LAMC3: variants seen among roughly 807,000 people sequenced by gnomAD.
LAMC3 encodes laminin subunit gamma-3.
In LAMC3, 128 loss-of-function variants were observed where a neutral mutation model predicts 173.8. The observed-to-expected ratio is 0.74, with a 90% CI of 0.64 to 0.85. The LOEUF is 0.85. LAMC3 is among the 40% of genes least tolerant of loss of function. LAMC3 has a pLI of 0.00. For synonymous variants in LAMC3, 897 were observed against 909.1 expected, an observed-to-expected ratio of 0.99 and a Z score of 0.24; for missense variants, 2,022 against 2,156.0, an observed-to-expected ratio of 0.94 and a Z score of 1.23.
At chr9:131,015,687 G>A (rs191596486) in intron 1 of LAMC3, among the ~76,000 whole-genome samples, 157 of 152,148 alleles carry the variant, frequency 1.0e-3, no homozygotes, top group African/African-American at 3.4e-3. Context: ...ACGGAGACTC[G>A]CTCCACCGCC....
intron 17 of LAMC3, among the ~76,000 whole-genome samples, chr9:131,070,440 C>T (rs914003789): frequency 1.3e-5 from 2 of 152,220 alleles, no homozygotes; most frequent in East Asian, 3.8e-4. Context: ...AGGCCGGGTG[C>T]TGTGGCTCAC....
In LAMC3 at chr9:131,067,159, C is replaced by T; in HGVS notation, c.2547C>T (p.Gly849=). 1 of 1,614,180 alleles carries T rather than the reference C, an allele frequency of 6.2e-7. No individual in the cohort carries two copies. The highest frequency in any genetic ancestry group is 8.5e-7 in the Non-Finnish European group (1 of 1,180,032). Residue 849 remains glycine (G), a synonymous_variant, in exon 14 of 28, where the codon GGC becomes GGT. Transcript: ENST00000361069. ...TGDHCEHCQE[G]FYGSALAPRP... is the part of the protein sequence containing the mutation. ...ACCACTGTGAGCACTGTCAGGAAGG[C>T]TTCTACGGGAGCGCCCTGGCCCCTC...
In LAMC3 at chr9:131,066,036, T is replaced by C. The variant is rs531842929; in HGVS notation, c.2348-924T>C. 2.0e-4 allele frequency among the ~76,000 whole-genome samples: 31 copies of C among 152,166 alleles called. No homozygotes were observed. The South Asian group carries it at 6.4e-3, about 32-fold the overall frequency. Reference sequence around the variant, plus strand: ...GGCGAAACCCCATCTCTACTAATAATACAAATAAATTAGCCAGGCATGGTG... The same window carrying C: ...GGCGAAACCCCATCTCTACTAATAACACAAATAAATTAGCCAGGCATGGTG... On this transcript the variant is annotated intron_variant, in intron 13 of 27. Transcript: ENST00000361069.
At chr9:131,058,919 GC>G (rs1829747351) in intron 12 of LAMC3, among the ~76,000 whole-genome samples, 1 of 150,474 alleles carries the variant, frequency 6.6e-6, no homozygotes, top group Non-Finnish European at 1.5e-5. Flanking sequence ...AAAAGAAGAG[GC>G]CAGACTTGGG....
chr9:131,009,608 C>A lies in LAMC3; in HGVS notation c.373+21C>A. The A allele has an allele frequency of 1.3e-6, 2 of 1,559,736 alleles. No homozygotes were observed. Among genetic ancestry groups the A allele is most frequent in the Non-Finnish European group, 1.7e-6 (2 of 1,153,990 alleles). ...CCTAGGTAAGCGCGGGCTGGGGGCA[C>A]CGCCACCGCACCCCGTGTCCCCACT... On this transcript the variant is annotated intron_variant, in intron 1 of 27. Transcript: ENST00000361069. The surrounding 1 kb of genome is among the most constrained non-coding windows in gnomAD (Gnocchi z 4.3).
At chr9:131,012,979 C>T (rs1362445812) in intron 1 of LAMC3, among the ~76,000 whole-genome samples, 2 of 152,234 alleles carry the variant, frequency 1.3e-5, no homozygotes, top group Non-Finnish European at 2.9e-5. Flanking sequence ...AGCCCCAGCC[C>T]ACCACCAAGG....
At chr9:131,077,402 C>T in intron 22 of LAMC3, 68 bp downstream of exon 22, 1 of 1,582,556 alleles carries the variant, frequency 6.3e-7, no homozygotes, top group East Asian at 2.2e-5. Flanking sequence ...GGAGGCTGGG[C>T]ACGGTGGCTC....
chr9:131,085,849 A>G (rs1032422095), intron 25 of LAMC3, 126 bp downstream of exon 25: 12 of 861,266 alleles, frequency 1.4e-5, no homozygotes, highest in Admixed American at 2.0e-5. Flanking sequence ...GGCCCAGGCA[A>G]TTAGCTCAGA....
chr9:131,039,358 AC>A lies in LAMC3; in HGVS notation c.1283+112del, dbSNP rs1386567049. On this transcript the variant is annotated intron_variant, in intron 6 of 27. Transcript: ENST00000361069. Reference sequence around the variant, plus strand: ...TCCCCATCCCTTCCTGTCTGCAGCTACCTCGCCCTAATCCTGGTGAAGACTA... The same window carrying A: ...TCCCCATCCCTTCCTGTCTGCAGCTACTCGCCCTAATCCTGGTGAAGACTA... 26 of 902,344 alleles carry A rather than the reference AC, an allele frequency of 2.9e-5. No individual in the cohort carries two copies. The Middle Eastern group carries it at 1.1e-3, about 37-fold the overall frequency. The allele number at this position is 902,344 out of a possible 1,614,324, so 55.9% of individuals were successfully genotyped here.
intron 1 of LAMC3, among the ~76,000 whole-genome samples, chr9:131,010,108 C>T (rs907918749): frequency 4.5e-4 from 63 of 141,434 alleles, no homozygotes; most frequent in African/African-American, 1.5e-3. Context: ...GAGCCGAGGT[C>T]GCACCACCGT....
In LAMC3 at chr9:131,089,544, A is replaced by ATT. The variant is rs59946569; in HGVS notation, c.4477+1746_4477+1747dup. 9.8e-4 allele frequency among the ~76,000 whole-genome samples: 137 copies of ATT among 139,144 alleles called. 1 individual carries two copies. Among genetic ancestry groups the ATT allele is most frequent in the Middle Eastern group, 3.8e-3 (1 of 264 alleles). 91.3% of individuals were successfully genotyped at this position (139,144 alleles called of 152,430 possible). The stretch of plus-strand genomic sequence containing the variant: ...AGGCACGCACCACCACACCCAGCTA[A>ATT]TTTTTTTTTTTTTTTTTTTTGGAGA... On this transcript the variant is annotated intron_variant, in intron 27 of 27. Coordinates refer to ENST00000361069, the MANE Select transcript of LAMC3 (RefSeq NM_006059.4).
chr9:131,080,663 C>T (rs1830222741), intron 23 of LAMC3, among the ~76,000 whole-genome samples: 1 of 152,104 alleles, frequency 6.6e-6, no homozygotes, highest in African/African-American at 2.4e-5. Flanking sequence ...CAGTGCCTGC[C>T]GCTTACCCGG....
chr9:131,047,253 CTCCCAGGTTCAAGTGATTT>C, intron 8 of LAMC3, among the ~76,000 whole-genome samples: 2 of 41,478 alleles, frequency 4.8e-5, no homozygotes, highest in Non-Finnish European at 5.4e-5. Flanking sequence ...CAACCTCCGC[CTCCCAGGTTCAAGTGATTT>C]TCCTGCCTCA....
At chr9:131,023,938 T>C (rs1332969624) in intron 1 of LAMC3, among the ~76,000 whole-genome samples, 1 of 152,226 alleles carries the variant, frequency 6.6e-6, no homozygotes, top group Non-Finnish European at 1.5e-5. Flanking sequence ...AGATATATGA[T>C]TTGCAACTAT....
chr9:131,009,609 C>G lies in LAMC3; in HGVS notation c.373+22C>G. The G allele has an allele frequency of 6.4e-7, 1 of 1,558,742 alleles. No individual in the cohort carries two copies. Among genetic ancestry groups the G allele is most frequent in the Non-Finnish European group, 8.7e-7 (1 of 1,153,558 alleles). ...CTAGGTAAGCGCGGGCTGGGGGCAC[C>G]GCCACCGCACCCCGTGTCCCCACTC... On this transcript the variant is annotated intron_variant, in intron 1 of 27. Coordinates refer to ENST00000361069, the MANE Select transcript of LAMC3 (RefSeq NM_006059.4). This position sits in a 1 kb window ranked among gnomAD's most constrained non-coding sequence, Gnocchi z 4.3.
chr9:131,009,325 G>A lies in LAMC3; in HGVS notation c.111G>A (p.Pro37=). 4 of 1,479,846 alleles carry A rather than the reference G, an allele frequency of 2.7e-6. No individual in the cohort carries two copies. The highest frequency in any genetic ancestry group is 3.6e-6 in the Non-Finnish European group (4 of 1,122,448). 91.7% of individuals were successfully genotyped at this position (1,479,846 alleles called of 1,614,324 possible). ...DGAGRPQRCL[P]VFENAAFGRL... is the part of the protein sequence containing the mutation. The stretch of plus-strand genomic sequence containing the variant: ...CAGGGCGCCCGCAGCGCTGCCTGCC[G>A]GTGTTCGAGAACGCGGCGTTTGGGC... Residue 37 remains proline, a synonymous_variant, in exon 1 of 28, where the codon CCG becomes CCA. Transcript: ENST00000361069. The surrounding 1 kb of genome is among the most constrained non-coding windows in gnomAD (Gnocchi z 4.3).
intron 7 of LAMC3, among the ~76,000 whole-genome samples, chr9:131,042,595 C>T (rs1251275841): frequency 6.6e-6 from 1 of 151,964 alleles, no homozygotes; most frequent in Non-Finnish European, 1.5e-5. Context: ...AGAACTATCA[C>T]AGCCTCCCCC....
intron 13 of LAMC3, 119 bp downstream of exon 13, chr9:131,061,342 C>T (rs1829816964): frequency 1.2e-6 from 1 of 826,636 alleles, no homozygotes; most frequent in Non-Finnish European, 1.9e-6. Flanking sequence ...GAGGGAGAGC[C>T]CAGCTTACGG....
At chr9:131,032,535 T>TCTCTCTCTCTTGCTCTCTCTCG (rs763553407) in intron 3 of LAMC3, among the ~76,000 whole-genome samples, 43,747 of 127,518 alleles carry the variant, frequency 0.34, 8,174 homozygotes, top group Non-Finnish European at 0.43. Context: ...TCTCTCGCTG[T>TCTCTCTCTCTTGCTCTCTCTCG]CTCTCTCTCT....
Sources: gnomAD v4.1 joint callset for allele counts (sites outside exome capture counted in the v4.1 genomes callset) on GRCh38, gnomAD v4.1.1 for gene constraint, Gnocchi (gnomAD v3.1) non-coding constraint, MANE v1.5 for transcripts, NCBI Gene and HGNC (gene_info 2026-07-23, HGNC 2026-07-21) for gene names.